The following ATP10A variants were observed in gnomAD, a reference collection of about 807,000 sequenced individuals.
The protein encoded by ATP10A is ATPase phospholipid transporting 10A (putative).
ATP10A carries 111 observed loss-of-function variants against 147.8 expected under a neutral mutation model. The ratio of observed to expected loss-of-function variants is 0.75; its 90% confidence interval spans 0.64 to 0.88. The LOEUF (loss-of-function observed/expected upper bound fraction) is 0.88, where lower values mean the gene tolerates loss of function less well. Among genes scored for constraint, ATP10A ranks in the 40% least tolerant of loss-of-function variants. The pLI is 0.00. For missense variants in ATP10A, 1,927 were observed against 1,959.0 expected (o/e 0.98, Z 0.31); for synonymous variants, 875 against 841.6 (o/e 1.04, Z -0.69).
chr15:25,761,911 G>A (rs1312106623), intron 2 of ATP10A, among the ~76,000 whole-genome samples: 1 of 152,186 alleles, frequency 6.6e-6, no homozygotes, highest in Non-Finnish European at 1.5e-5. Flanking sequence ...AGGCATGGCT[G>A]TGTTTTGAAA....
At position 25,721,640 on chromosome 15, in the gene ATP10A, C is replaced by T. The variant is rs200772772; in HGVS notation, c.1363+17G>A. The T allele has an allele frequency of 1.1e-4, 175 of 1,606,510 alleles. 1 individual carries two copies. The East Asian group carries it at 2.1e-3, about 19-fold the overall frequency. ...CTGGTTCAGCCTGGGTTGGGAGCCC[C>T]GCACCCCCAGACTCACCATTTGCAT... On this transcript the variant is annotated intron_variant, in intron 7 of 20. Coordinates refer to ENST00000555815, the MANE Select transcript of ATP10A (RefSeq NM_024490.4).
chr15:25,741,235 T>C (rs148620122), intron 2 of ATP10A, among the ~76,000 whole-genome samples: 19 of 152,236 alleles, frequency 1.2e-4, no homozygotes, highest in Admixed American at 3.3e-4. Flanking sequence ...GGCACACACA[T>C]GGTCAGAGGG....
At chr15:25,721,612 T>A in intron 7 of ATP10A, 45 bp downstream of exon 7, 1 of 1,586,512 alleles carries the variant, frequency 6.3e-7, no homozygotes. Flanking sequence ...ATAGGGCAGC[T>A]TTCTGGTTCA....
chr15:25,838,720 C>T (rs2044313), intron 1 of ATP10A, among the ~76,000 whole-genome samples: 95,273 of 152,104 alleles, frequency 0.63, 32,334 homozygotes, highest in East Asian at 0.91. Context: ...AGAGTTGTGG[C>T]GCTTGATGAT....
At chr15:25,763,113 A>G (rs1888847346) in intron 2 of ATP10A, among the ~76,000 whole-genome samples, 1 of 152,132 alleles carries the variant, frequency 6.6e-6, no homozygotes, top group Non-Finnish European at 1.5e-5. Flanking sequence ...ATCCAAGGCT[A>G]TTTTCAACTT....
chr15:25,785,695 A>G (rs1329595187), intron 1 of ATP10A, among the ~76,000 whole-genome samples: 2 of 152,138 alleles, frequency 1.3e-5, no homozygotes, highest in Non-Finnish European at 2.9e-5. Context: ...TCTTAATACC[A>G]GCCACTCAAC....
chr15:25,724,153 C>A (rs371785957), intron 5 of ATP10A, 132 bp from the exon 6 acceptor site: 1 of 1,023,232 alleles, frequency 9.8e-7, no homozygotes, highest in African/African-American at 1.7e-5. Flanking sequence ...TCAGCTTTGC[C>A]ATGTCAGAAA....
chr15:25,864,018 G>C (rs1893892903), upstream of ATP10A, among the ~76,000 whole-genome samples: 1 of 152,224 alleles, frequency 6.6e-6, no homozygotes, highest in Non-Finnish European at 1.5e-5. Flanking sequence ...AGGTATTTGA[G>C]TGTCTGTTTC....
At chr15:25,816,714 A>G (rs1596945755) in intron 1 of ATP10A, among the ~76,000 whole-genome samples, 1 of 152,236 alleles carries the variant, frequency 6.6e-6, no homozygotes, top group Admixed American at 6.5e-5. Flanking sequence ...GAATTAACAA[A>G]TAAGAAGAAA....
chr15:25,714,906 C>T (rs1481691078), intron 9 of ATP10A, among the ~76,000 whole-genome samples: 1 of 151,842 alleles, frequency 6.6e-6, no homozygotes, highest in African/African-American at 2.4e-5. Flanking sequence ...AATTGAGGAT[C>T]CCAAACATTG....
intron 1 of ATP10A, among the ~76,000 whole-genome samples, chr15:25,787,828 G>A (rs910013077): frequency 1.3e-5 from 2 of 151,966 alleles, no homozygotes; most frequent in Admixed American, 1.3e-4. Context: ...TACAAACTGG[G>A]AAGTGCCCCC....
At chr15:25,737,196 G>A (rs985217236) in intron 2 of ATP10A, among the ~76,000 whole-genome samples, 1 of 152,172 alleles carries the variant, frequency 6.6e-6, no homozygotes, top group African/African-American at 2.4e-5. Context: ...TCTTCTCCTT[G>A]GACTGAAATG....
At chr15:25,695,905 C>T (rs1046670420) in intron 13 of ATP10A, among the ~76,000 whole-genome samples, 1 of 151,824 alleles carries the variant, frequency 6.6e-6, no homozygotes, top group Non-Finnish European at 1.5e-5. Flanking sequence ...AGTATCCTCC[C>T]TAAGTTCTCC....
At chr15:25,809,596 C>A (rs984899761) in intron 1 of ATP10A, among the ~76,000 whole-genome samples, 1 of 152,124 alleles carries the variant, frequency 6.6e-6, no homozygotes, top group Non-Finnish European at 1.5e-5. Context: ...CTGCTTTAAA[C>A]CCTTCGTTTT....
chr15:25,716,638 A>C, intron 9 of ATP10A, 92 bp downstream of exon 9: 1 of 1,288,250 alleles, frequency 7.8e-7, no homozygotes, highest in Non-Finnish European at 1.1e-6. Context: ...TTGCTGCAGG[A>C]AAGGGAAGGG....
chr15:25,770,414 G>A (rs968692646), intron 2 of ATP10A, among the ~76,000 whole-genome samples: 1 of 152,170 alleles, frequency 6.6e-6, no homozygotes, highest in Admixed American at 6.5e-5. Flanking sequence ...GACCCCAGCA[G>A]GCCAAGGGGC....
At chr15:25,729,958 G>A (rs1162821815) in intron 3 of ATP10A, among the ~76,000 whole-genome samples, 1 of 152,128 alleles carries the variant, frequency 6.6e-6, no homozygotes, top group African/African-American at 2.4e-5. Context: ...AGTGGGGGAT[G>A]ACAGGAAGGA....
chr15:25,770,301 G>A (rs558007595), intron 2 of ATP10A, among the ~76,000 whole-genome samples: 22 of 152,268 alleles, frequency 1.4e-4, no homozygotes, highest in East Asian at 7.8e-4. Flanking sequence ...CCTGAGCAGC[G>A]ACAGCAATGG....
chr15:25,806,479 AT>A (rs1387929296), intron 1 of ATP10A, among the ~76,000 whole-genome samples: 1 of 151,634 alleles, frequency 6.6e-6, no homozygotes, highest in Admixed American at 6.6e-5. Flanking sequence ...CGCCCAGCTA[AT>A]TTTTTGTATT....
Sources: gnomAD v4.1 joint callset for allele counts (sites outside exome capture counted in the v4.1 genomes callset) on GRCh38, gnomAD v4.1.1 for gene constraint, MANE v1.5 for transcripts, NCBI Gene and HGNC (gene_info 2026-07-23, HGNC 2026-07-21) for gene names.